GLIS3: variants seen among roughly 807,000 people sequenced by gnomAD.
The protein encoded by GLIS3 is GLIS family zinc finger 3, also known as zinc finger protein GLIS3.
GLIS3 carries 53 observed loss-of-function variants against 78.6 expected under a neutral mutation model. The ratio of observed to expected loss-of-function variants is 0.67; its 90% confidence interval spans 0.54 to 0.85. The LOEUF (loss-of-function observed/expected upper bound fraction) is 0.85, where lower values mean the gene tolerates loss of function less well. Ranked by LOEUF, GLIS3 falls within the 40% of genes least tolerant of loss-of-function variation. The pLI is 0.00. For synonymous variants in GLIS3, 684 were observed against 509.9 expected, an observed-to-expected ratio of 1.34 and a Z score of -4.60; for missense variants, 1,703 against 1,231.1, an observed-to-expected ratio of 1.38 and a Z score of -5.74.
intron 2 of GLIS3, among the ~76,000 whole-genome samples, chr9:4,242,619 T>C (rs1196988329): frequency 6.6e-6 from 1 of 152,202 alleles, no homozygotes; most frequent in African/African-American, 2.4e-5. Flanking sequence ...ACATGCTCCC[T>C]GTCCTCATCA....
At chr9:3,879,763 T>C (rs1372675529) in intron 7 of GLIS3, among the ~76,000 whole-genome samples, 168 bp from the exon 8 acceptor site, 1 of 152,190 alleles carries the variant, frequency 6.6e-6, no homozygotes, top group East Asian at 1.9e-4. Context: ...TTTATTTTCA[T>C]GGTGGAACAG....
At chr9:4,214,862 G>A (rs915591082) in intron 2 of GLIS3, among the ~76,000 whole-genome samples, 4 of 152,162 alleles carry the variant, frequency 2.6e-5, no homozygotes, top group African/African-American at 7.2e-5. Context: ...TTGCAAGGCT[G>A]GTCAATGGCA....
chr9:3,965,441 G>A (rs1052302515), intron 4 of GLIS3, among the ~76,000 whole-genome samples: 2 of 151,978 alleles, frequency 1.3e-5, no homozygotes, highest in African/African-American at 4.8e-5. Flanking sequence ...TGATCTGCCC[G>A]CCTCAGCCTC....
intron 2 of GLIS3, among the ~76,000 whole-genome samples, chr9:4,278,301 A>G (rs1827212097): frequency 6.6e-6 from 1 of 152,230 alleles, no homozygotes; most frequent in South Asian, 2.1e-4. Context: ...CCAGTTTTCC[A>G]GATATTCCCC....
At chr9:3,937,239 G>C in intron 4 of GLIS3, 50 bp from the exon 5 acceptor site, 3 of 1,596,096 alleles carry the variant, frequency 1.9e-6, no homozygotes, top group South Asian at 1.1e-5. Context: ...TTGAATGTTT[G>C]AGTCTGGGGG....
chr9:3,845,182 G>C (rs1395072055), intron 9 of GLIS3, among the ~76,000 whole-genome samples: 1 of 151,952 alleles, frequency 6.6e-6, no homozygotes, highest in Admixed American at 6.6e-5. Flanking sequence ...ATCAATAAGG[G>C]AATGATTTAA....
At chr9:4,031,314 G>C (rs1588492085) in intron 4 of GLIS3, among the ~76,000 whole-genome samples, 1 of 152,266 alleles carries the variant, frequency 6.6e-6, no homozygotes, top group African/African-American at 2.4e-5. Context: ...TATAAAAAAT[G>C]AATGAGGCAC....
intron 2 of GLIS3, among the ~76,000 whole-genome samples, chr9:4,244,098 A>G (rs1156589959): frequency 1.3e-5 from 2 of 152,122 alleles, no homozygotes; most frequent in Admixed American, 6.6e-5. Context: ...GCCCTAACTA[A>G]CATTCCAAGC....
the GLIS3 span, among the ~76,000 whole-genome samples, chr9:4,362,981 AAGAAAAAGAG>A: frequency 6.6e-6 from 1 of 152,182 alleles, no homozygotes. Flanking sequence ...ATAGAGGCAG[AAGAAAAAGAG>A]AGGAAAAGAG....
intron 4 of GLIS3, among the ~76,000 whole-genome samples, chr9:4,089,682 G>A (rs1829326977): frequency 1.3e-5 from 2 of 152,034 alleles, no homozygotes; most frequent in South Asian, 4.2e-4. Flanking sequence ...AGCCAGGCAT[G>A]GTGGTGTATA....
chr9:4,228,322 G>T (rs1053810397), intron 2 of GLIS3, among the ~76,000 whole-genome samples: 1 of 152,086 alleles, frequency 6.6e-6, no homozygotes, highest in African/African-American at 2.4e-5. Flanking sequence ...GGGAGTATAG[G>T]GGAGGAGTCG....
intron 4 of GLIS3, among the ~76,000 whole-genome samples, chr9:4,074,260 A>T (rs1263243220): frequency 6.6e-6 from 1 of 152,176 alleles, no homozygotes; most frequent in Admixed American, 6.5e-5. Flanking sequence ...TTCAGGCTGA[A>T]ACAGCACCCA....
intron 2 of GLIS3, among the ~76,000 whole-genome samples, chr9:4,235,310 A>C (rs985150513): frequency 4.0e-5 from 6 of 151,562 alleles, no homozygotes; most frequent in African/African-American, 1.5e-4. Flanking sequence ...AAAAAAAAAA[A>C]AAAAAACTGA....
At chr9:4,376,526 A>G in the GLIS3 span, among the ~76,000 whole-genome samples, 1 of 99,048 alleles carries the variant, frequency 1.0e-5, no homozygotes, top group African/African-American at 3.3e-5. Flanking sequence ...ACACAAAGCT[A>G]AAAGACAAGC....
chr9:4,277,011 T>C (rs780662732), intron 2 of GLIS3, among the ~76,000 whole-genome samples: 11 of 152,092 alleles, frequency 7.2e-5, no homozygotes, highest in Admixed American at 3.3e-4. Context: ...AAAATATAAA[T>C]GATTAAAAAG....
intron 2 of GLIS3, among the ~76,000 whole-genome samples, chr9:4,271,440 T>C (rs1826499832): frequency 6.6e-6 from 1 of 152,180 alleles, no homozygotes; most frequent in Admixed American, 6.5e-5. Context: ...ATTGGTTCTG[T>C]TTCCCTGTAG....
chr9:4,285,487 A>G (rs921526254), intron 2 of GLIS3: 3 of 152,310 alleles, frequency 2.0e-5, no homozygotes, highest in African/African-American at 7.2e-5. Flanking sequence ...GCTACTAGCT[A>G]TATGATAAAA....
chr9:4,152,761 T>C (rs962726195), intron 2 of GLIS3, among the ~76,000 whole-genome samples: 12 of 152,148 alleles, frequency 7.9e-5, no homozygotes, highest in African/African-American at 2.9e-4. Flanking sequence ...GTTTCTTATA[T>C]ACCATCAATT....
intron 4 of GLIS3, among the ~76,000 whole-genome samples, chr9:3,968,216 AT>A (rs1818106988): frequency 6.6e-6 from 1 of 152,200 alleles, no homozygotes; most frequent in African/African-American, 2.4e-5. Context: ...CAGGAGCAGA[AT>A]GATCGTCAGC....
Sources: gnomAD v4.1 joint callset for allele counts (sites outside exome capture counted in the v4.1 genomes callset) on GRCh38, gnomAD v4.1.1 for gene constraint, MANE v1.5 for transcripts, NCBI Gene and HGNC (gene_info 2026-07-23, HGNC 2026-07-21) for gene names.